The following SLC22A3 variants were observed in gnomAD, a reference collection of about 807,000 sequenced individuals.
SLC22A3 encodes the protein EMT organic cation transporter 3.
Under a neutral mutation model 59.1 loss-of-function variants are expected in SLC22A3, and 51 were observed. The ratio of observed to expected loss-of-function variants is 0.86; its 90% CI spans 0.69 to 1.09. The LOEUF (loss-of-function observed/expected upper bound fraction) is 1.09. SLC22A3 is among the 50% of genes least tolerant of loss of function. SLC22A3 has a pLI of 0.00. For synonymous variants in SLC22A3, 325 were observed against 292.0 expected, an observed-to-expected ratio of 1.11 and a Z score of -1.15; for missense variants, 711 against 726.3, an observed-to-expected ratio of 0.98 and a Z score of 0.24.
chr6:160,405,182 A>G lies in SLC22A3; in HGVS notation c.534-1859A>G, dbSNP rs964083172. Among the ~76,000 whole-genome samples, 5 of 152,326 alleles carry G rather than the reference A, an allele frequency of 3.3e-5. No homozygotes were observed. In the East Asian group the frequency reaches 9.6e-4, roughly 29 times the overall value. On this transcript the variant is annotated intron_variant, in intron 2 of 10. Transcript: ENST00000275300. ...TTGATAAAGAACTGTTATCCAAAAT[A>G]TATAAAGAACTCTTAAAACACAACA...
intron 1 of SLC22A3, among the ~76,000 whole-genome samples, chr6:160,378,468 C>T (rs1785676022): frequency 6.6e-6 from 1 of 152,166 alleles, no homozygotes; most frequent in African/African-American, 2.4e-5. Flanking sequence ...TCTTTGGCAA[C>T]TGTGCTTTCC....
intron 1 of SLC22A3, among the ~76,000 whole-genome samples, chr6:160,353,634 A>G (rs1238077076): frequency 6.6e-6 from 1 of 152,002 alleles, no homozygotes; most frequent in African/African-American, 2.4e-5. Context: ...CATCTTCATT[A>G]TTTTCTCTGC....
intron 9 of SLC22A3, among the ~76,000 whole-genome samples, chr6:160,446,244 C>T (rs1470070374): frequency 6.6e-6 from 1 of 152,142 alleles, no homozygotes. Context: ...AGAATATAGG[C>T]TGAGTCTGGA....
intron 1 of SLC22A3, among the ~76,000 whole-genome samples, chr6:160,358,638 C>G (rs1455807663): frequency 6.6e-6 from 1 of 152,184 alleles, no homozygotes; most frequent in Admixed American, 6.5e-5. Context: ...AGTGAACAAT[C>G]CCCCCATCCG....
At chr6:160,450,921 TTAAA>T (rs1583526299) in intron 10 of SLC22A3, 71 bp from the exon 11 acceptor site, 1 of 1,365,210 alleles carries the variant, frequency 7.3e-7, no homozygotes, top group Non-Finnish European at 1.0e-6. Context: ...AGCTATACTA[TTAAA>T]TAATAACAGA....
intron 5 of SLC22A3, among the ~76,000 whole-genome samples, chr6:160,428,056 T>A (rs568230057): frequency 6.6e-6 from 1 of 152,102 alleles, no homozygotes; most frequent in African/African-American, 2.4e-5. Context: ...TTTCTCCTCT[T>A]ATGTCAACAG....
At chr6:160,348,876 C>T (rs1157260080) in intron 1 of SLC22A3, 28 bp downstream of exon 1, 15 of 1,552,432 alleles carry the variant, frequency 9.7e-6, no homozygotes, top group Admixed American at 3.7e-5. Flanking sequence ...CTTTGGAAGC[C>T]GGCGGGAGAG....
chr6:160,405,518 C>T, intron 2 of SLC22A3, among the ~76,000 whole-genome samples: 1 of 152,094 alleles, frequency 6.6e-6, no homozygotes, highest in East Asian at 1.9e-4. Context: ...GTAATTCTTA[C>T]AAAATTAAAC....
intron 2 of SLC22A3, among the ~76,000 whole-genome samples, chr6:160,405,513 T>A (rs969008210): frequency 2.6e-5 from 4 of 152,172 alleles, no homozygotes; most frequent in Non-Finnish European, 5.9e-5. Flanking sequence ...TTTTTGTAAT[T>A]CTTACAAAAT....
chr6:160,361,291 T>G (rs1370281958), intron 1 of SLC22A3, among the ~76,000 whole-genome samples: 1 of 152,166 alleles, frequency 6.6e-6, no homozygotes. Context: ...AAAGGTAATA[T>G]TAACAAAGGA....
chr6:160,358,280 G>T (rs1412782490), intron 1 of SLC22A3, among the ~76,000 whole-genome samples: 1 of 152,152 alleles, frequency 6.6e-6, no homozygotes, highest in African/African-American at 2.4e-5. Context: ...TGGTTTTAGT[G>T]GGGAGACTTA....
intron 1 of SLC22A3, among the ~76,000 whole-genome samples, chr6:160,371,725 A>G (rs553715866): frequency 6.6e-6 from 1 of 152,202 alleles, no homozygotes; most frequent in South Asian, 2.1e-4. Context: ...GTCAAGTGGT[A>G]TTTCTGGTTT....
intron 2 of SLC22A3, among the ~76,000 whole-genome samples, chr6:160,399,617 C>A (rs1228998419): frequency 6.6e-6 from 1 of 152,150 alleles, no homozygotes; most frequent in Non-Finnish European, 1.5e-5. Context: ...TCTTCTCTTC[C>A]TCCATATCCA....
chr6:160,393,493 T>C (rs1022919938), intron 1 of SLC22A3, among the ~76,000 whole-genome samples: 4 of 139,396 alleles, frequency 2.9e-5, no homozygotes, highest in East Asian at 4.8e-4. Context: ...CCTGTGTCCA[T>C]GTGTTCTCAT....
chr6:160,392,669 T>A (rs539127060), intron 1 of SLC22A3, among the ~76,000 whole-genome samples: 30 of 152,310 alleles, frequency 2.0e-4, no homozygotes, highest in Admixed American at 9.8e-4. Context: ...CATGTTAAAA[T>A]TTTTTCATGG....
intron 1 of SLC22A3, among the ~76,000 whole-genome samples, chr6:160,389,711 A>G (rs997059432): frequency 6.6e-6 from 1 of 152,144 alleles, no homozygotes. Flanking sequence ...TCAGCTCTTA[A>G]CTCATGCCCC....
chr6:160,368,350 T>C (rs1215138769), intron 1 of SLC22A3, among the ~76,000 whole-genome samples: 1 of 152,184 alleles, frequency 6.6e-6, no homozygotes, highest in Non-Finnish European at 1.5e-5. Context: ...CCACCTGTGC[T>C]CTGGTCCCCA....
intron 2 of SLC22A3, 60 bp downstream of exon 2, chr6:160,398,142 G>T (rs1156735751): frequency 1.1e-5 from 14 of 1,239,612 alleles, no homozygotes; most frequent in African/African-American, 1.5e-5. Context: ...AATACGGGGA[G>T]AAAAATGTTT....
At chr6:160,411,233 A>C (rs934170985) in intron 5 of SLC22A3, among the ~76,000 whole-genome samples, 5 of 152,166 alleles carry the variant, frequency 3.3e-5, no homozygotes, top group African/African-American at 1.2e-4. Flanking sequence ...TTGATTGTAC[A>C]AACTGTAAAA....
Sources: gnomAD v4.1 joint callset for allele counts (sites outside exome capture counted in the v4.1 genomes callset) on GRCh38, gnomAD v4.1.1 for gene constraint, MANE v1.5 for transcripts, NCBI Gene and HGNC (gene_info 2026-07-23, HGNC 2026-07-21) for gene names.